The following PTPRD variants were observed in gnomAD, a reference collection of about 807,000 sequenced individuals.
PTPRD encodes the protein receptor-type tyrosine-protein phosphatase delta.
A neutral mutation model predicts 214.5 loss-of-function variants in PTPRD; 34 were observed. The observed-to-expected ratio is 0.16, with a 90% confidence interval of 0.12 to 0.21. PTPRD has a LOEUF of 0.21. PTPRD is among the 10% of genes least tolerant of loss of function. PTPRD has a pLI of 1.00. For missense variants in PTPRD, 2,545 were observed against 2,398.7 expected, an observed-to-expected ratio of 1.06 and a Z score of -1.27; for synonymous variants, 1,128 against 845.7, an observed-to-expected ratio of 1.33 and a Z score of -5.79.
At chr9:8,438,955 T>C (rs958374327) in intron 34 of PTPRD, 26 of 152,260 alleles carry the variant, frequency 1.7e-4, no homozygotes, top group African/African-American at 6.3e-4. Flanking sequence ...AAGTATTATA[T>C]TGGAAGTTTA....
At chr9:10,210,187 G>C (rs1195206201) in intron 3 of PTPRD, among the ~76,000 whole-genome samples, 2 of 151,976 alleles carry the variant, frequency 1.3e-5, no homozygotes, top group Non-Finnish European at 2.9e-5. Flanking sequence ...AAAATATAAA[G>C]TACCATGTGC....
chr9:8,337,593 A>T (rs1487497689), intron 43 of PTPRD, among the ~76,000 whole-genome samples: 1 of 151,982 alleles, frequency 6.6e-6, no homozygotes, highest in African/African-American at 2.4e-5. Flanking sequence ...TTCAGGACTT[A>T]CACTCCAGGA....
chr9:9,648,696 C>T (rs138936650), intron 7 of PTPRD, among the ~76,000 whole-genome samples: 9 of 152,068 alleles, frequency 5.9e-5, no homozygotes, highest in South Asian at 4.2e-4. Context: ...ACTAATTAGC[C>T]ATGAATTGCA....
intron 8 of PTPRD, among the ~76,000 whole-genome samples, chr9:9,403,701 TA>T (rs2071956199): frequency 6.6e-6 from 1 of 152,108 alleles, no homozygotes; most frequent in South Asian, 2.1e-4. Flanking sequence ...AACTAAATTT[TA>T]AATGTTTGTT....
At chr9:9,827,529 T>C (rs907955163) in intron 5 of PTPRD, among the ~76,000 whole-genome samples, 6 of 152,122 alleles carry the variant, frequency 3.9e-5, no homozygotes, top group Non-Finnish European at 7.4e-5. Flanking sequence ...AAGACTTAAA[T>C]GTTAGACCTA....
At chr9:10,306,667 A>G (rs900269432) in intron 3 of PTPRD, among the ~76,000 whole-genome samples, 7 of 152,102 alleles carry the variant, frequency 4.6e-5, no homozygotes, top group African/African-American at 1.7e-4. Flanking sequence ...TTCCATAAGT[A>G]TATGTGTTGC....
chr9:8,790,339 TTTA>T (rs1288071745), intron 11 of PTPRD, among the ~76,000 whole-genome samples: 1 of 151,994 alleles, frequency 6.6e-6, no homozygotes, highest in African/African-American at 2.4e-5. Context: ...AATAAATAAA[TTTA>T]TTATTTATTA....
In PTPRD at chr9:9,651,166, T is replaced by G. The variant is rs182051151; in HGVS notation, c.-286-76385A>C. 8.8e-3 allele frequency among the ~76,000 whole-genome samples: 1,334 copies of G among 152,314 alleles called. 8 individuals carry two copies. Among genetic ancestry groups the G allele is most frequent in the Non-Finnish European group, 0.011 (754 of 68,014 alleles). ...ATTGGTTCTTGTGTAAAATACATTT[T>G]ATCATTTCTATGAATAAACCTAGAA... On this transcript the variant is annotated intron_variant, in intron 7 of 45. Coordinates refer to ENST00000381196, the MANE Select transcript of PTPRD (RefSeq NM_002839.4).
intron 2 of PTPRD, among the ~76,000 whole-genome samples, chr9:10,390,480 T>C (rs1389393582): frequency 6.6e-6 from 1 of 151,836 alleles, no homozygotes; most frequent in African/African-American, 2.4e-5. Context: ...AGGAGGCTTA[T>C]TTCTGCCCAC....
At chr9:10,231,559 G>C (rs931604461) in intron 3 of PTPRD, among the ~76,000 whole-genome samples, 1 of 149,214 alleles carries the variant, frequency 6.7e-6, no homozygotes, top group African/African-American at 2.5e-5. Flanking sequence ...GTGGGGTAGG[G>C]AGGAGGTGGT....
chr9:10,346,859 G>A (rs578188550), intron 2 of PTPRD, among the ~76,000 whole-genome samples: 1 of 152,142 alleles, frequency 6.6e-6, no homozygotes, highest in Non-Finnish European at 1.5e-5. Context: ...TACAGCAAGG[G>A]TCATAGCTCT....
chr9:9,732,050 T>C (rs2098204878), intron 7 of PTPRD, among the ~76,000 whole-genome samples: 1 of 152,028 alleles, frequency 6.6e-6, no homozygotes, highest in Non-Finnish European at 1.5e-5. Context: ...CAAACTACAA[T>C]ATTGAAAACA....
At chr9:8,456,710 T>C (rs1293152045) in intron 33 of PTPRD, among the ~76,000 whole-genome samples, 2 of 152,106 alleles carry the variant, frequency 1.3e-5, no homozygotes, top group Non-Finnish European at 2.9e-5. Flanking sequence ...GAAGCCTACA[T>C]TTCAGTCTCA....
At chr9:9,046,407 T>C (rs948451043) in intron 10 of PTPRD, among the ~76,000 whole-genome samples, 3 of 152,188 alleles carry the variant, frequency 2.0e-5, no homozygotes, top group Non-Finnish European at 2.9e-5. Context: ...TCTTTAAAAA[T>C]TGGTAGCTGT....
intron 2 of PTPRD, among the ~76,000 whole-genome samples, chr9:10,391,652 CA>C (rs2098068102): frequency 6.6e-6 from 1 of 151,778 alleles, no homozygotes; most frequent in Non-Finnish European, 1.5e-5. Flanking sequence ...TCCAAGTCAA[CA>C]TTACTGATTA....
chr9:9,985,167 G>C (rs192553934), intron 4 of PTPRD, among the ~76,000 whole-genome samples: 1 of 152,106 alleles, frequency 6.6e-6, no homozygotes, highest in Non-Finnish European at 1.5e-5. Flanking sequence ...TTACAACTAC[G>C]TCTTCTCCAA....
chr9:10,043,613 G>T (rs551454446), intron 3 of PTPRD, among the ~76,000 whole-genome samples: 1 of 151,864 alleles, frequency 6.6e-6, no homozygotes, highest in East Asian at 1.9e-4. Context: ...TTATAGTTTA[G>T]GTCCACAATT....
chr9:9,419,815 G>A (rs976810149), intron 8 of PTPRD, among the ~76,000 whole-genome samples: 4 of 151,644 alleles, frequency 2.6e-5, no homozygotes, highest in African/African-American at 7.2e-5. Flanking sequence ...TTAGACTTTT[G>A]TATGTAAACA....
chr9:10,380,992 T>C (rs2097809144), intron 2 of PTPRD, among the ~76,000 whole-genome samples: 1 of 151,972 alleles, frequency 6.6e-6, no homozygotes, highest in African/African-American at 2.4e-5. Flanking sequence ...GGTAGTGATA[T>C]TTAAAAATCC....
Sources: allele counts gnomAD v4.1 joint callset (sites outside exome capture counted in the v4.1 genomes callset), GRCh38; gene constraint gnomAD v4.1.1; transcripts MANE v1.5; gene names NCBI Gene and HGNC (gene_info 2026-07-23, HGNC 2026-07-21).